CRPPA: variants seen among roughly 807,000 people sequenced by gnomAD.
CRPPA encodes the protein D-ribitol-5-phosphate cytidylyltransferase.
A neutral mutation model predicts 52.0 loss-of-function variants in CRPPA; 43 were observed. That is an observed-to-expected ratio of 0.83 (90% CI 0.65 to 1.07). The LOEUF (loss-of-function observed/expected upper bound fraction) is 1.07. Ranked by LOEUF, CRPPA falls within the 50% of genes least tolerant of loss-of-function variation. The pLI is 0.00. For missense variants in CRPPA, 629 were observed against 551.7 expected, an observed-to-expected ratio of 1.14 and a Z score of -1.40; for synonymous variants, 250 against 203.5, an observed-to-expected ratio of 1.23 and a Z score of -1.94.
rs112941851 is a variant in CRPPA, at chr7:16,152,150, G to A, written c.1252-60351C>T. ...AAAAGGAACTCTGCATTTTAAAAGTGTAAGAAAATATGATGGAAATGTGAG... is the reference window on the plus strand; with the variant it reads ...AAAAGGAACTCTGCATTTTAAAAGTATAAGAAAATATGATGGAAATGTGAG... On this transcript the variant is annotated intron_variant, in intron 9 of 9. Transcript: ENST00000407010. 3.3e-3 allele frequency among the ~76,000 whole-genome samples: 506 copies of A among 151,982 alleles called. 3 individuals carry two copies. Among genetic ancestry groups the A allele is most frequent in the African/African-American group, 0.011 (477 of 41,548 alleles).
intron 9 of CRPPA, among the ~76,000 whole-genome samples, chr7:16,128,011 G>A (rs1160461816): frequency 6.6e-6 from 1 of 152,132 alleles, no homozygotes; most frequent in Non-Finnish European, 1.5e-5. Flanking sequence ...AAATTTTAGT[G>A]TTCTCAAGTA....
At chr7:16,303,673 A>G (rs1195251284) in intron 4 of CRPPA, among the ~76,000 whole-genome samples, 1 of 152,122 alleles carries the variant, frequency 6.6e-6, no homozygotes, top group Non-Finnish European at 1.5e-5. Context: ...TCATATACAT[A>G]TAGAAAATAT....
At chr7:16,175,743 ATAAAAATT>A (rs1289335391) in intron 9 of CRPPA, among the ~76,000 whole-genome samples, 1 of 152,216 alleles carries the variant, frequency 6.6e-6, no homozygotes, top group Admixed American at 6.5e-5. Context: ...TATTAATTAT[ATAAAAATT>A]TGAAATTTAA....
At chr7:16,274,560 A>G (rs1288183238) in intron 6 of CRPPA, among the ~76,000 whole-genome samples, 1 of 152,166 alleles carries the variant, frequency 6.6e-6, no homozygotes, top group Non-Finnish European at 1.5e-5. Flanking sequence ...CATTAAAAAA[A>G]AATAAAAAGT....
intron 3 of CRPPA, among the ~76,000 whole-genome samples, chr7:16,323,386 G>A (rs1005308349): frequency 1.3e-5 from 2 of 152,116 alleles, no homozygotes; most frequent in Non-Finnish European, 1.5e-5. Flanking sequence ...TCATATGATT[G>A]TCAATAGAAT....
chr7:16,147,204 T>C (rs1378592517), intron 9 of CRPPA, among the ~76,000 whole-genome samples: 1 of 152,160 alleles, frequency 6.6e-6, no homozygotes, highest in African/African-American at 2.4e-5. Flanking sequence ...ATTAAACCTC[T>C]TTCCTTTATA....
chr7:16,137,885 C>T (rs917103567), intron 9 of CRPPA, among the ~76,000 whole-genome samples: 3 of 152,066 alleles, frequency 2.0e-5, no homozygotes, highest in African/African-American at 4.8e-5. Flanking sequence ...ATGAATTGTA[C>T]AATAAATGCT....
rs573446041 is a variant in CRPPA at position 16,090,811 on chromosome 7, C to A, written c.*884G>T. 1 of 152,038 alleles carries A rather than the reference C, an allele frequency of 6.6e-6. No individual in the cohort carries two copies. Among genetic ancestry groups the A allele is most frequent in the South Asian group, 2.1e-4 (1 of 4,814 alleles). The allele number at this position is 152,038 out of a possible 1,614,324, so 9.4% of individuals were successfully genotyped here. A position where few individuals can be genotyped will look rare whatever the true frequency, so the allele number is the denominator to read the frequency against. The stretch of plus-strand genomic sequence containing the variant: ...AAAGGACACCCATAATTATAACATG[C>A]AAGGGAAAATATTAATATTTCAGAT... On this transcript the variant is annotated 3_prime_UTR_variant, in exon 10 of 10. Coordinates refer to ENST00000407010, the MANE Select transcript of CRPPA (RefSeq NM_001101426.4).
chr7:16,289,571 G>C (rs1784518514), intron 5 of CRPPA, among the ~76,000 whole-genome samples: 1 of 151,928 alleles, frequency 6.6e-6, no homozygotes, highest in Non-Finnish European at 1.5e-5. Context: ...CAGAATAAAG[G>C]CCAAAAACCA....
intron 9 of CRPPA, among the ~76,000 whole-genome samples, chr7:16,146,793 G>C (rs890339824): frequency 2.0e-5 from 3 of 152,114 alleles, no homozygotes; most frequent in Non-Finnish European, 2.9e-5. Flanking sequence ...AGGAAGGCAA[G>C]CATACCACTA....
intron 9 of CRPPA, among the ~76,000 whole-genome samples, chr7:16,093,536 G>A (rs1392610924): frequency 6.6e-6 from 1 of 152,112 alleles, no homozygotes; most frequent in African/African-American, 2.4e-5. Context: ...GGGTGGAGCT[G>A]GAGAAGATCT....
chr7:16,273,445 T>C (rs907434627), intron 6 of CRPPA, among the ~76,000 whole-genome samples: 1 of 151,970 alleles, frequency 6.6e-6, no homozygotes, highest in Non-Finnish European at 1.5e-5. Flanking sequence ...GAGGGACAGC[T>C]TGAAGGTGGG....
intron 9 of CRPPA, among the ~76,000 whole-genome samples, chr7:16,199,921 G>A (rs544674151): frequency 4.7e-5 from 7 of 147,868 alleles, no homozygotes; most frequent in South Asian, 4.3e-4. Flanking sequence ...GCAATGGTGC[G>A]ATCTCAGCTC....
chr7:16,325,473 C>A (rs761810687), intron 3 of CRPPA, among the ~76,000 whole-genome samples: 18 of 152,136 alleles, frequency 1.2e-4, no homozygotes, highest in Admixed American at 3.9e-4. Context: ...AACACAAGAG[C>A]TACTCAGGAA....
chr7:16,258,327 T>C (rs1783699227), intron 8 of CRPPA, 63 bp downstream of exon 8: 4 of 1,024,636 alleles, frequency 3.9e-6, no homozygotes, highest in South Asian at 3.0e-5. Flanking sequence ...TTTAAAAATA[T>C]GTACATTGAG....
chr7:16,186,692 A>T (rs1781510586), intron 9 of CRPPA, among the ~76,000 whole-genome samples: 1 of 152,244 alleles, frequency 6.6e-6, no homozygotes, highest in Non-Finnish European at 1.5e-5. Flanking sequence ...GCCTCAGGAT[A>T]TAGTACTACA....
intron 3 of CRPPA, among the ~76,000 whole-genome samples, chr7:16,357,971 G>A (rs1325332027): frequency 5.3e-5 from 8 of 152,176 alleles, no homozygotes; most frequent in African/African-American, 1.9e-4. Context: ...GATGGCCAAG[G>A]AGCCTGAGGC....
chr7:16,241,480 A>G (rs1437752684), intron 8 of CRPPA, among the ~76,000 whole-genome samples: 2 of 152,164 alleles, frequency 1.3e-5, no homozygotes, highest in African/African-American at 4.8e-5. Context: ...ATTACAGTAA[A>G]ACTTTTGCTA....
At chr7:16,105,654 T>C (rs1319068160) in intron 9 of CRPPA, among the ~76,000 whole-genome samples, 3 of 152,104 alleles carry the variant, frequency 2.0e-5, no homozygotes, top group Admixed American at 1.3e-4. Context: ...GTCAACCTCA[T>C]AACCCACCCA....
Sources: allele counts gnomAD v4.1 joint callset (sites outside exome capture counted in the v4.1 genomes callset), GRCh38; gene constraint gnomAD v4.1.1; transcripts MANE v1.5; gene names NCBI Gene and HGNC (gene_info 2026-07-23, HGNC 2026-07-21).